ZNF512B: variants seen among roughly 807,000 people sequenced by gnomAD.
ZNF512B encodes the protein zinc finger protein 512B.
ZNF512B carries 22 observed loss-of-function variants against 87.8 expected under a neutral mutation model. The ratio of observed to expected loss-of-function variants is 0.25; its 90% CI spans 0.18 to 0.36. The LOEUF (loss-of-function observed/expected upper bound fraction) is 0.36, where lower values mean the gene tolerates loss of function less well. Among genes scored for constraint, ZNF512B ranks in the 10% least tolerant of loss-of-function variants. The probability of loss-of-function intolerance (pLI) is 1.00; values close to 1 mark genes in which losing one functional copy is unlikely to be tolerated. For missense variants in ZNF512B, 1,060 were observed against 1,231.6 expected, an observed-to-expected ratio of 0.86 and a Z score of 2.09; for synonymous variants, 524 against 490.9, an observed-to-expected ratio of 1.07 and a Z score of -0.89.
At chr20:63,960,902 A>T (rs2058843698) in intron 16 of ZNF512B, among the ~76,000 whole-genome samples, 3 of 146,176 alleles carry the variant, frequency 2.1e-5, no homozygotes, top group African/African-American at 7.7e-5. Context: ...GGCTGGACAC[A>T]GCCTTCAGGA....
At chr20:63,963,963 C>G in intron 8 of ZNF512B, 50 bp from the exon 9 acceptor site, 1 of 1,600,990 alleles carries the variant, frequency 6.2e-7, no homozygotes, top group African/African-American at 1.3e-5. Flanking sequence ...GCTGGGTGGC[C>G]CAGACGCCAG....
At position 63,958,507 on chromosome 20, in the gene ZNF512B, C is replaced by G. The variant is rs1001872167; in HGVS notation, c.*1381G>C. On this transcript the variant is annotated 3_prime_UTR_variant, in exon 17 of 17. Transcript: ENST00000369888. ...TCTCATCGTCCAGGGTCAGTGGGGCCGAGCCCTCAGCCCACTCCCACCCAC... is the reference window on the plus strand; with the variant it reads ...TCTCATCGTCCAGGGTCAGTGGGGCGGAGCCCTCAGCCCACTCCCACCCAC... 1 of 152,288 alleles carries G rather than the reference C, an allele frequency of 6.6e-6. No homozygotes were observed. Among genetic ancestry groups the G allele is most frequent in the Non-Finnish European group, 1.5e-5 (1 of 68,076 alleles). 9.4% of individuals were successfully genotyped at this position (152,288 alleles called of 1,614,324 possible). A position where few individuals can be genotyped will look rare whatever the true frequency, so the allele number is the denominator to read the frequency against.
intron 10 of ZNF512B, 61 bp downstream of exon 10, chr20:63,963,557 G>T: frequency 6.2e-7 from 1 of 1,601,354 alleles, no homozygotes; most frequent in South Asian, 1.1e-5. Flanking sequence ...GGGGCACTGC[G>T]GTGAAGGTGG....
chr20:63,967,036 C>T lies in ZNF512B; in HGVS notation c.265-32G>A, dbSNP rs78111038. ...GTGGGGAAAGGTGGTGCTGCTGACC[C>T]GCAGCCACCTGGGCCACTGCCAGCC... is the stretch of plus-strand genomic sequence containing the variant. On this transcript the variant is annotated intron_variant, in intron 3 of 16. Coordinates refer to ENST00000369888, the MANE Select transcript of ZNF512B (RefSeq NM_020713.3). The T allele has an allele frequency of 9.1e-4, 1,468 of 1,611,394 alleles. 8 individuals are homozygous for T. In the African/African-American group the frequency reaches 0.016, roughly 17 times the overall value.
At position 63,964,076 on chromosome 20, in the gene ZNF512B, G is replaced by T; in HGVS notation, c.1475C>A (p.Ala492Asp). 1 of 1,608,106 alleles carries T rather than the reference G, an allele frequency of 6.2e-7. No homozygotes were observed. The change falls in exon 8 of 17, where the codon GCT (alanine) becomes GAT (aspartate). Residue 492 changes from alanine (A) to aspartate (D), a missense_variant. By Grantham distance (126) the Ala-to-Asp change is moderately radical. This residue lies in a region of ZNF512B where 212 missense variants were observed against 207.6 expected (regional missense o/e 1.02). Coordinates refer to ENST00000369888, the MANE Select transcript of ZNF512B (RefSeq NM_020713.3). ...KEAPAPVAHP[A>D]PGGPEEQWQR... is the part of the protein sequence containing the mutation. ...CCCTGCCAGGCAGCCCCTACCTGGA[G>T]CTGGGTGGGCCACAGGGGCCGGTGC...
chr20:63,969,685 G>T (rs1191887091), intron 1 of ZNF512B, 129 bp downstream of exon 1: 1 of 146,776 alleles, frequency 6.8e-6, no homozygotes, highest in South Asian at 1.8e-4. Flanking sequence ...CGGGGGCTCG[G>T]GCGCGGCGGG....
Position 63,959,967 on chromosome 20 carries a change from C to T in ZNF512B, c.2600G>A (p.Trp867Ter), listed in dbSNP as rs2058831111. ...CCCCTTGTCTCTGCATCCTGGAGGC[C>T]AGTCGTCCCGGCGCGGGGGCAGCTT... is the stretch of plus-strand genomic sequence containing the variant. ...VAKLPPRRDD[W>*]PPGCRDKGAR... Residue 867 changes from tryptophan (W) to a stop codon, truncating the protein, a stop_gained, in exon 17 of 17, where the codon TGG becomes TAG. Coordinates refer to ENST00000369888, the MANE Select transcript of ZNF512B (RefSeq NM_020713.3). LOFTEE classifies it high-confidence loss of function. 1 of 1,611,910 alleles carries T rather than the reference C, an allele frequency of 6.2e-7. No homozygotes were observed. Among genetic ancestry groups the T allele is most frequent in the African/African-American group, 1.3e-5 (1 of 74,918 alleles).
chr20:63,962,888 G>T, intron 12 of ZNF512B, 107 bp from the exon 13 acceptor site: 1 of 1,314,978 alleles, frequency 7.6e-7, no homozygotes, highest in Non-Finnish European at 1.0e-6. Context: ...GCCTCCCAGT[G>T]TGCTGGGGAC....
rs967266899 is a variant in ZNF512B at position 63,961,043 on chromosome 20, G to A, written c.2427+266C>T. ...GGGCTGGACACAGCCTTCGGGACCAGGCAAGCACCTGCAGCAGGGCTGCTG... is the reference window on the plus strand; with the variant it reads ...GGGCTGGACACAGCCTTCGGGACCAAGCAAGCACCTGCAGCAGGGCTGCTG... On this transcript the variant is annotated intron_variant, in intron 16 of 16. Coordinates refer to ENST00000369888, the MANE Select transcript of ZNF512B (RefSeq NM_020713.3). The surrounding 1 kb of genome is among the most constrained non-coding windows in gnomAD (Gnocchi z 6.4). 2.0e-5 allele frequency among the ~76,000 whole-genome samples: 3 copies of A among 152,206 alleles called. No homozygotes were observed. The highest frequency in any genetic ancestry group is 7.2e-5 in the African/African-American group (3 of 41,458).
rs780627835 is a variant in ZNF512B, at chr20:63,967,483, C to T, written c.162G>A (p.Gln54=). ...TTCCCGGGTCAAAGCAGAGAGGGGC[C>T]TGGCCGGGCACTGTCTGTCCACCAC... ...VVRGGQTVPG[Q]APLCFDPGSP... Residue 54 remains glutamine, a synonymous_variant, in exon 3 of 17, where the codon CAG becomes CAA. Coordinates refer to ENST00000369888, the MANE Select transcript of ZNF512B (RefSeq NM_020713.3). 6.2e-7 allele frequency: 1 copy of T among 1,612,152 alleles called. No homozygotes were observed. The highest frequency in any genetic ancestry group is 8.5e-7 in the Non-Finnish European group (1 of 1,179,196).
Position 63,960,095 on chromosome 20 carries a change from G to T in ZNF512B, c.2472C>A (p.Ser824Arg). The stretch of plus-strand genomic sequence containing the variant: ...CCTTCTTGGGCACCAATGAGTCCTG[G>T]CTCCTGTGTTTGGGAGGTGGGTCTG... ...TSADPPPKHR[S>R]QDSLVPKKEK... Residue 824 changes from serine to arginine, a missense_variant, in exon 17 of 17, where the codon AGC becomes AGA. Coordinates refer to ENST00000369888, the MANE Select transcript of ZNF512B (RefSeq NM_020713.3). 1 of 1,613,958 alleles carries T rather than the reference G, an allele frequency of 6.2e-7. No individual in the cohort carries two copies. Among genetic ancestry groups the T allele is most frequent in the Non-Finnish European group, 8.5e-7 (1 of 1,180,004 alleles).
rs1331998485 is a variant in ZNF512B at position 63,956,985 on chromosome 20, G to A, written c.*2903C>T. 2 of 152,570 alleles carry A rather than the reference G, an allele frequency of 1.3e-5. No individual in the cohort carries two copies. Among genetic ancestry groups the A allele is most frequent in the Admixed American group, 6.5e-5 (1 of 15,288 alleles). The allele number at this position is 152,570 out of a possible 1,614,324, so 9.5% of individuals were successfully genotyped here. A position where few individuals can be genotyped will look rare whatever the true frequency, so the allele number is the denominator to read the frequency against. ...ACTGGCATTAAAAAACCCAAACCAA[G>A]AAACCCAAAGCACGGGACGCCCGGC... On this transcript the variant is annotated 3_prime_UTR_variant, in exon 17 of 17. Transcript: ENST00000369888.
In ZNF512B at chr20:63,961,846, G is replaced by A. The variant is rs953719894; in HGVS notation, c.2328+96C>T. 3.1e-6 allele frequency: 4 copies of A among 1,295,238 alleles called. No individual in the cohort carries two copies. 80.2% of individuals were successfully genotyped at this position (1,295,238 alleles called of 1,614,324 possible). On this transcript the variant is annotated intron_variant, in intron 15 of 16. Transcript: ENST00000369888. This position sits in a 1 kb window ranked among gnomAD's most constrained non-coding sequence, Gnocchi z 6.4. ...CCACGTAGAAAAAGTAGGGGACAAGGCAGGGTCCCTCACTACTGTGTGGGA... is the reference window on the plus strand; with the variant it reads ...CCACGTAGAAAAAGTAGGGGACAAGACAGGGTCCCTCACTACTGTGTGGGA...
In ZNF512B at chr20:63,966,262, G is replaced by A; in HGVS notation, c.913C>T (p.Pro305Ser). Residue 305 changes from proline (P) to serine (S), a missense_variant, in exon 5 of 17, where the codon CCG becomes TCG. This residue lies in a region of ZNF512B where 201 missense variants were observed against 226.8 expected (regional missense o/e 0.89). Coordinates refer to ENST00000369888, the MANE Select transcript of ZNF512B (RefSeq NM_020713.3). ...GCAATGGGCCTGCTGACTGTCACCG[G>A]CTTGCTGACCACAATGGGCCTGCTG... The part of the protein sequence containing the change: ...TVSRPIVVSK[P>S]VTVSRPIAIS... 1.2e-6 allele frequency: 2 copies of A among 1,614,000 alleles called. No individual in the cohort carries two copies. The highest frequency in any genetic ancestry group is 8.5e-7 in the Non-Finnish European group (1 of 1,180,034).
Position 63,958,289 on chromosome 20 carries a change from C to T in ZNF512B, c.*1599G>A, listed in dbSNP as rs1168573063. The stretch of plus-strand genomic sequence containing the variant: ...TCCCTGAGCAGCAAGGGACCCCAAC[C>T]CCAGAGACCCACGCCCTGGTCCAGC... On this transcript the variant is annotated 3_prime_UTR_variant, in exon 17 of 17. Transcript: ENST00000369888. The T allele has an allele frequency of 6.6e-6, 1 of 152,554 alleles. No individual in the cohort carries two copies. The highest frequency in any genetic ancestry group is 1.5e-5 in the Non-Finnish European group (1 of 68,126). 9.5% of individuals were successfully genotyped at this position (152,554 alleles called of 1,614,324 possible).
rs1268224679 is a variant in ZNF512B, at chr20:63,966,908, C to T, written c.361G>A (p.Gly121Arg). Residue 121 changes from glycine (G) to arginine (R), a missense_variant, in exon 4 of 17, where the codon GGG becomes AGG. Around this residue, in one of 9 missense-constraint regions of ZNF512B, gnomAD observed 32 missense variants for 68.0 expected, o/e 0.47. Transcript: ENST00000369888. ...GCWLEFPSIY[G>R]LKYHYQRCQG... The stretch of plus-strand genomic sequence containing the variant: ...CACCGCTGGTAATGGTACTTGAGCC[C>T]GTAGATGCTGGGGAACTCCAGCCAG... 4.3e-6 allele frequency: 7 copies of T among 1,613,802 alleles called. No homozygotes were observed. Among genetic ancestry groups the T allele is most frequent in the African/African-American group, 1.3e-5 (1 of 75,036 alleles).
Position 63,966,546 on chromosome 20 carries a change from A to G in ZNF512B, c.629T>C (p.Ile210Thr), listed in dbSNP as rs753964122. Residue 210 changes from isoleucine (I) to threonine (T), a missense_variant, in exon 5 of 17, where the codon ATT (isoleucine) becomes ACT (threonine). Physicochemically the swap from Ile to Thr is moderately conservative, Grantham distance 89. This residue lies in a region of ZNF512B where 201 missense variants were observed against 226.8 expected (regional missense o/e 0.89). Transcript: ENST00000369888. Reference sequence around the variant, plus strand: ...GACCGAGACTGGCTTGCTGATGCCAATGGGTTTGCTGACACCCACAGGTTT... The same window carrying G: ...GACCGAGACTGGCTTGCTGATGCCAGTGGGTTTGCTGACACCCACAGGTTT... ...IGKPVGVSKP[I>T]GISKPVSVGR... 5.6e-6 allele frequency: 9 copies of G among 1,613,860 alleles called. No individual in the cohort carries two copies. The highest frequency in any genetic ancestry group is 6.8e-6 in the Non-Finnish European group (8 of 1,180,016).
chr20:63,966,436 G>C lies in ZNF512B; in HGVS notation c.739C>G (p.Pro247Ala). 1 of 1,613,872 alleles carries C rather than the reference G, an allele frequency of 6.2e-7. No homozygotes were observed. Among genetic ancestry groups the C allele is most frequent in the Non-Finnish European group, 8.5e-7 (1 of 1,179,962 alleles). The change falls in exon 5 of 17, where the codon CCC becomes GCC. Residue 247 changes from proline to alanine, a missense_variant. Around this residue, in one of 9 missense-constraint regions of ZNF512B, gnomAD observed 201 missense variants for 226.8 expected, o/e 0.89. Coordinates refer to ENST00000369888, the MANE Select transcript of ZNF512B (RefSeq NM_020713.3). ...GTGACCGGCATGGCCTTGGTGACGG[G>C]CATGGGCCTGCTGACTGTGACAGGT... ...TKPVTVSRPM[P>A]VTKAMPVTKP...
In ZNF512B at chr20:63,962,267, G is replaced by A. The variant is rs200338646; in HGVS notation, c.2265+6C>T. 3.3e-5 allele frequency: 53 copies of A among 1,607,068 alleles called. No homozygotes were observed. The Admixed American group carries it at 4.4e-4, about 13-fold the overall frequency. On this transcript the variant is annotated splice_donor_region_variant and intron_variant, in intron 14 of 16. Transcript: ENST00000369888. ...CCACGCCCCCCACCCGGCTGCCTCC[G>A]CTCACGTCGTTGGGACAGTTGACGT... is the stretch of plus-strand genomic sequence containing the variant.
Sources: allele counts gnomAD v4.1 joint callset (sites outside exome capture counted in the v4.1 genomes callset), GRCh38; gene constraint gnomAD v4.1.1; regional missense constraint gnomAD v4.1.1; non-coding constraint Gnocchi (gnomAD v3.1); transcripts MANE v1.5; gene names NCBI Gene and HGNC (gene_info 2026-07-23, HGNC 2026-07-21).